Variants in ZFAND5 observed in about 807,000 individuals in gnomAD.
The protein encoded by ZFAND5 is zinc finger AN1-type containing 5, also known as AN1-type zinc finger protein 5.
ZFAND5 carries 4 observed loss-of-function variants against 23.6 expected under a neutral mutation model. That is an observed-to-expected ratio of 0.17 (90% CI 0.08 to 0.39). ZFAND5 has a LOEUF of 0.39. ZFAND5 is among the 10% of genes least tolerant of loss of function. The pLI is 1.00. For synonymous variants in ZFAND5, 68 were observed against 80.6 expected (o/e 0.84, Z 0.84); for missense variants, 161 against 253.7 (o/e 0.63, Z 2.48).
In ZFAND5 at chr9:72,355,944, A is replaced by G. The variant is rs1464492070; in HGVS notation, c.*9T>C. 2 of 1,596,526 alleles carry G rather than the reference A, an allele frequency of 1.3e-6. No homozygotes were observed. Among genetic ancestry groups the G allele is most frequent in the African/African-American group, 2.7e-5 (2 of 73,568 alleles). On this transcript the variant is annotated 3_prime_UTR_variant, in exon 7 of 7. Transcript: ENST00000376962. ...AAAACAAAGTTTCAGTCTCTTCACA[A>G]GAAGTAATTTATATTCTCTGAATTT...
intron 2 of ZFAND5, among the ~76,000 whole-genome samples, chr9:72,361,854 A>G (rs1842113716): frequency 6.6e-6 from 1 of 152,242 alleles, no homozygotes; most frequent in Non-Finnish European, 1.5e-5. Flanking sequence ...TACAAAAAGC[A>G]TATTTGAGAG....
chr9:72,353,812 CTT>C lies in ZFAND5; in HGVS notation c.*2139_*2140del, dbSNP rs1385372162. ...TTCTAAATTTTCAACTCAATTGTGA[CTT>C]TTCATATTCAGAGAAATACTACCCT... On this transcript the variant is annotated 3_prime_UTR_variant, in exon 7 of 7. Transcript: ENST00000376962. 1 of 152,156 alleles carries C rather than the reference CTT, an allele frequency of 6.6e-6. No homozygotes were observed. Among genetic ancestry groups the C allele is most frequent in the African/African-American group, 2.4e-5 (1 of 41,430 alleles). 9.4% of individuals were successfully genotyped at this position (152,156 alleles called of 1,614,324 possible). A position where few individuals can be genotyped will look rare whatever the true frequency, so the allele number is the denominator to read the frequency against.
At chr9:72,361,093 T>C (rs1403951136) in intron 2 of ZFAND5, among the ~76,000 whole-genome samples, 2 of 152,226 alleles carry the variant, frequency 1.3e-5, no homozygotes, top group Non-Finnish European at 2.9e-5. Context: ...TTTAATCAAT[T>C]TGGGAAACTG....
intron 4 of ZFAND5, among the ~76,000 whole-genome samples, 173 bp downstream of exon 4, chr9:72,359,937 T>A (rs1207677889): frequency 1.3e-5 from 2 of 151,960 alleles, no homozygotes; most frequent in African/African-American, 4.8e-5. Context: ...GGTTAGGGAG[T>A]CAGGTGTAAG....
At chr9:72,363,089 G>A (rs940185640) in intron 2 of ZFAND5, among the ~76,000 whole-genome samples, 1 of 152,168 alleles carries the variant, frequency 6.6e-6, no homozygotes, top group Non-Finnish European at 1.5e-5. Context: ...AAATGGTCAA[G>A]GTTGTTGATA....
chr9:72,362,234 T>G (rs191175568), intron 2 of ZFAND5, among the ~76,000 whole-genome samples: 1 of 152,240 alleles, frequency 6.6e-6, no homozygotes, highest in East Asian at 1.9e-4. Flanking sequence ...CAGGGTAGTG[T>G]AAACATTTCA....
intron 2 of ZFAND5, 21 bp from the exon 3 acceptor site, chr9:72,360,808 C>A: frequency 6.4e-7 from 1 of 1,569,738 alleles, no homozygotes; most frequent in Non-Finnish European, 8.7e-7. Context: ...AACGAAATTT[C>A]AGAAATTAGT....
At chr9:72,362,242 TCAA>T (rs1227200281) in intron 2 of ZFAND5, among the ~76,000 whole-genome samples, 1 of 152,238 alleles carries the variant, frequency 6.6e-6, no homozygotes, top group South Asian at 2.1e-4. Flanking sequence ...TGTAAACATT[TCAA>T]CATCACTTAG....
At position 72,364,887 on chromosome 9, in the gene ZFAND5, A is replaced by G. The variant is rs1414008273; in HGVS notation, c.-338T>C. 1 of 153,238 alleles carries G rather than the reference A, an allele frequency of 6.5e-6. No individual in the cohort carries two copies. The highest frequency in any genetic ancestry group is 1.4e-5 in the Non-Finnish European group (1 of 69,090). 9.5% of individuals were successfully genotyped at this position (153,238 alleles called of 1,614,324 possible). A position where few individuals can be genotyped will look rare whatever the true frequency, so the allele number is the denominator to read the frequency against. Reference sequence around the variant, plus strand: ...TTCCTTTGTTCCTGCAGCAGCGTCGAGCGTGGCCGGGACACGCCGGAGCTC... The same window carrying G: ...TTCCTTTGTTCCTGCAGCAGCGTCGGGCGTGGCCGGGACACGCCGGAGCTC... On this transcript the variant is annotated 5_prime_UTR_variant, in exon 1 of 7. Coordinates refer to ENST00000376962, the MANE Select transcript of ZFAND5 (RefSeq NM_001102420.3).
chr9:72,360,337 T>C (rs993091568), intron 3 of ZFAND5, 116 bp from the exon 4 acceptor site: 3 of 944,754 alleles, frequency 3.2e-6, no homozygotes, highest in Non-Finnish European at 4.9e-6. Context: ...GCATTCACTG[T>C]GCTGTAATCC....
At chr9:72,359,806 C>T (rs1195726532) in intron 4 of ZFAND5, among the ~76,000 whole-genome samples, 3 of 152,158 alleles carry the variant, frequency 2.0e-5, no homozygotes, top group Non-Finnish European at 4.4e-5. Flanking sequence ...GGCAAAAGGG[C>T]AGCTCTGCCA....
chr9:72,363,731 A>C (rs1396228535), intron 1 of ZFAND5, 125 bp from the exon 2 acceptor site: 8 of 770,630 alleles, frequency 1.0e-5, no homozygotes, highest in Non-Finnish European at 1.3e-5. Context: ...GAGTTCTGAA[A>C]GCCTACTCTT....
At position 72,353,265 on chromosome 9, in the gene ZFAND5, T is replaced by TC. The variant is rs1293174817; in HGVS notation, c.*2687dup. On this transcript the variant is annotated 3_prime_UTR_variant, in exon 7 of 7. Coordinates refer to ENST00000376962, the MANE Select transcript of ZFAND5 (RefSeq NM_001102420.3). Reference sequence around the variant, plus strand: ...CAAGAATTTGGGTAGAACTGAGTCCTCTCAGGTGCCTTACACACTGATTCC... The same window carrying TC: ...CAAGAATTTGGGTAGAACTGAGTCCTCCTCAGGTGCCTTACACACTGATTCC... 6.6e-6 allele frequency: 1 copy of TC among 152,188 alleles called. No homozygotes were observed. Among genetic ancestry groups the TC allele is most frequent in the Non-Finnish European group, 1.5e-5 (1 of 68,046 alleles). 9.4% of individuals were successfully genotyped at this position (152,188 alleles called of 1,614,324 possible). A position where few individuals can be genotyped will look rare whatever the true frequency, so the allele number is the denominator to read the frequency against.
Position 72,364,718 on chromosome 9 carries a change from A to C in ZFAND5, c.-169T>G. 1.2e-6 allele frequency: 1 copy of C among 812,938 alleles called. No homozygotes were observed. The highest frequency in any genetic ancestry group is 1.5e-6 in the Non-Finnish European group (1 of 646,310). The allele number at this position is 812,938 out of a possible 1,614,324, so 50.4% of individuals were successfully genotyped here. A position where few individuals can be genotyped will look rare whatever the true frequency, so the allele number is the denominator to read the frequency against. On this transcript the variant is annotated 5_prime_UTR_variant, in exon 1 of 7. Transcript: ENST00000376962. The stretch of plus-strand genomic sequence containing the variant: ...CACCCTGCAGGGTCCCAAATGCGAA[A>C]GCCGGGTTCGCGCGCGAAGCCGGCA...
rs1405404320 is a variant in ZFAND5 at position 72,360,568 on chromosome 9, TG to T, written c.151+59del. ...TTTCAGCATTCTCAGCCCCAATTCT[TG>T]GTTCTGTATTTCTGTCCACCAGTTC... is the stretch of plus-strand genomic sequence containing the variant. On this transcript the variant is annotated intron_variant, in intron 3 of 6. Coordinates refer to ENST00000376962, the MANE Select transcript of ZFAND5 (RefSeq NM_001102420.3). The T allele has an allele frequency of 7.5e-6, 12 of 1,605,000 alleles. No individual in the cohort carries two copies. In the East Asian group the frequency reaches 2.5e-4, roughly 33 times the overall value.
chr9:72,353,019 T>G lies in ZFAND5; in HGVS notation c.*2934A>C, dbSNP rs1234517210. 1 of 152,256 alleles carries G rather than the reference T, an allele frequency of 6.6e-6. No homozygotes were observed. Among genetic ancestry groups the G allele is most frequent in the East Asian group, 1.9e-4 (1 of 5,202 alleles). 9.4% of individuals were successfully genotyped at this position (152,256 alleles called of 1,614,324 possible). A position where few individuals can be genotyped will look rare whatever the true frequency, so the allele number is the denominator to read the frequency against. On this transcript the variant is annotated 3_prime_UTR_variant, in exon 7 of 7. Coordinates refer to ENST00000376962, the MANE Select transcript of ZFAND5 (RefSeq NM_001102420.3). The stretch of plus-strand genomic sequence containing the variant: ...TGGGAAGCCTACCTAGGATCAAACC[T>G]GAGGCTCTAGTTTTACAGATCAGGC...
rs1004831859 is a variant in ZFAND5 at position 72,352,298 on chromosome 9, G to A, written c.*3655C>T. The A allele has an allele frequency of 1.3e-5, 2 of 152,190 alleles. No individual in the cohort carries two copies. The highest frequency in any genetic ancestry group is 2.4e-5 in the African/African-American group (1 of 41,438). The allele number at this position is 152,190 out of a possible 1,614,324, so 9.4% of individuals were successfully genotyped here. A position where few individuals can be genotyped will look rare whatever the true frequency, so the allele number is the denominator to read the frequency against. On this transcript the variant is annotated 3_prime_UTR_variant, in exon 7 of 7. Coordinates refer to ENST00000376962, the MANE Select transcript of ZFAND5 (RefSeq NM_001102420.3). ...ATTTTACTCCAGCCTGGGCGACGGA[G>A]CCTCTGTCTCAAACAAACAAAACAA...
chr9:72,360,103 A>T lies in ZFAND5; in HGVS notation c.263+7T>A. The T allele has an allele frequency of 6.2e-7, 1 of 1,608,418 alleles. No individual in the cohort carries two copies. The highest frequency in any genetic ancestry group is 1.3e-5 in the African/African-American group (1 of 74,772). On this transcript the variant is annotated splice_region_variant and intron_variant, in intron 4 of 6. Transcript: ENST00000376962. Reference sequence around the variant, plus strand: ...TATCATAAAAACTCTGAAACGTTCAATCTTACCTTGATTTTTCAGATGTGC... The same window carrying T: ...TATCATAAAAACTCTGAAACGTTCATTCTTACCTTGATTTTTCAGATGTGC...
intron 1 of ZFAND5, 57 bp downstream of exon 1, chr9:72,364,639 C>A (rs1448002306): frequency 1.7e-6 from 2 of 1,163,806 alleles, no homozygotes; most frequent in Non-Finnish European, 2.1e-6. Flanking sequence ...CCTTCACTCC[C>A]GCCCCCGGCC....
Sources: gnomAD v4.1 joint callset for allele counts (sites outside exome capture counted in the v4.1 genomes callset) on GRCh38, gnomAD v4.1.1 for gene constraint, MANE v1.5 for transcripts, NCBI Gene and HGNC (gene_info 2026-07-23, HGNC 2026-07-21) for gene names.